The following DPP6 variants were observed in gnomAD, a reference collection of about 807,000 sequenced individuals.
DPP6 encodes the protein dipeptidyl peptidase like 6.
Under a neutral mutation model 122.6 loss-of-function variants are expected in DPP6, and 69 were observed. The ratio of observed to expected loss-of-function variants is 0.56; its 90% CI spans 0.46 to 0.69. DPP6 has a LOEUF of 0.69. Ranked by LOEUF, DPP6 falls within the 30% of genes least tolerant of loss-of-function variation. The pLI is 0.00. For missense variants in DPP6, 928 were observed against 1,116.9 expected, an observed-to-expected ratio of 0.83 and a Z score of 2.41; for synonymous variants, 418 against 433.1, an observed-to-expected ratio of 0.97 and a Z score of 0.43.
intron 1 of DPP6, among the ~76,000 whole-genome samples, chr7:154,125,105 A>G (rs1563222829): frequency 6.6e-6 from 1 of 152,210 alleles, no homozygotes; most frequent in Non-Finnish European, 1.5e-5. Context: ...CTTTGGAGAC[A>G]TCACTAGGAA....
intron 1 of DPP6, among the ~76,000 whole-genome samples, chr7:154,011,819 G>A (rs994696167): frequency 1.3e-4 from 20 of 152,112 alleles, no homozygotes; most frequent in African/African-American, 4.6e-4. Flanking sequence ...AGTGATTATC[G>A]AATCCATTCT....
the DPP6 span, among the ~76,000 whole-genome samples, chr7:153,815,118 G>T: frequency 6.6e-6 from 1 of 152,130 alleles, no homozygotes; most frequent in Non-Finnish European, 1.5e-5. Flanking sequence ...GGGCAATTAG[G>T]CAGGAGAAGG....
intron 1 of DPP6, among the ~76,000 whole-genome samples, chr7:153,945,314 A>G (rs1220399021): frequency 6.6e-6 from 1 of 152,176 alleles, no homozygotes; most frequent in Non-Finnish European, 1.5e-5. Flanking sequence ...GTTCCCAGCC[A>G]TGCCTGGTAC....
chr7:154,044,876 T>A (rs1799944590), intron 1 of DPP6, among the ~76,000 whole-genome samples: 3 of 151,232 alleles, frequency 2.0e-5, no homozygotes, highest in South Asian at 2.1e-4. Context: ...AGATTTTTTT[T>A]ATGAAATCAG....
At chr7:154,845,918 G>A (rs188025456) in intron 16 of DPP6, among the ~76,000 whole-genome samples, 2 of 152,214 alleles carry the variant, frequency 1.3e-5, no homozygotes, top group Admixed American at 6.5e-5. Flanking sequence ...TGGCCTGCAG[G>A]GCCTCTGTGG....
intron 7 of DPP6, among the ~76,000 whole-genome samples, chr7:154,685,454 C>T (rs1459859643): frequency 6.6e-6 from 1 of 152,196 alleles, no homozygotes; most frequent in Non-Finnish European, 1.5e-5. Flanking sequence ...GCCTGGGCGT[C>T]AGGGTATTTG....
At chr7:153,838,428 T>A in the DPP6 span, among the ~76,000 whole-genome samples, 4 of 152,180 alleles carry the variant, frequency 2.6e-5, no homozygotes, top group African/African-American at 9.6e-5. Flanking sequence ...TAGCAGGAAG[T>A]TACCCCTGGA....
intron 1 of DPP6, among the ~76,000 whole-genome samples, chr7:154,296,403 T>G (rs1201778618): frequency 6.6e-6 from 1 of 152,160 alleles, no homozygotes; most frequent in Non-Finnish European, 1.5e-5. Flanking sequence ...CCCTCTTCTA[T>G]TAGACGGTGA....
intron 16 of DPP6, among the ~76,000 whole-genome samples, chr7:154,826,952 A>G (rs905576427): frequency 2.0e-5 from 3 of 152,116 alleles, no homozygotes; most frequent in Admixed American, 2.0e-4. Context: ...CCACTATTTC[A>G]TAGTTTGTAG....
chr7:154,748,744 C>G (rs1001676675), intron 8 of DPP6, among the ~76,000 whole-genome samples: 2 of 152,160 alleles, frequency 1.3e-5, no homozygotes, highest in Non-Finnish European at 2.9e-5. Context: ...CTTTTGCTCA[C>G]GGTGTCCAGC....
intron 16 of DPP6, among the ~76,000 whole-genome samples, chr7:154,843,603 G>C (rs1801726088): frequency 6.6e-6 from 1 of 152,198 alleles, no homozygotes; most frequent in Admixed American, 6.5e-5. Context: ...GTTGTGACGA[G>C]GTTGAGAGAA....
At chr7:154,861,710 C>G (rs1054552380) in intron 17 of DPP6, among the ~76,000 whole-genome samples, 1 of 152,186 alleles carries the variant, frequency 6.6e-6, no homozygotes, top group Non-Finnish European at 1.5e-5. Flanking sequence ...TATGATTGCT[C>G]TGAGATGCAT....
At chr7:153,784,680 G>T in the DPP6 span, among the ~76,000 whole-genome samples, 1 of 152,116 alleles carries the variant, frequency 6.6e-6, no homozygotes, top group African/African-American at 2.4e-5. Flanking sequence ...GATTTTTAAT[G>T]ATATGCTGTA....
At chr7:154,343,443 A>C (rs1365450158) in intron 1 of DPP6, among the ~76,000 whole-genome samples, 1 of 152,266 alleles carries the variant, frequency 6.6e-6, no homozygotes, top group Non-Finnish European at 1.5e-5. Context: ...TTTGGGTCTC[A>C]GCCAGTGCTA....
chr7:154,082,848 T>TTC (rs747400385), intron 1 of DPP6, among the ~76,000 whole-genome samples: 5,493 of 110,954 alleles, frequency 0.05, 311 homozygotes, highest in African/African-American at 0.11. Context: ...TTCTTTTTCT[T>TTC]TTTTTTTTTT....
At chr7:154,136,861 A>C (rs1280439782) in intron 1 of DPP6, among the ~76,000 whole-genome samples, 1 of 152,274 alleles carries the variant, frequency 6.6e-6, no homozygotes, top group East Asian at 1.9e-4. Flanking sequence ...CTGCAAGTGC[A>C]ATATTGTTCC....
intron 8 of DPP6, among the ~76,000 whole-genome samples, chr7:154,769,048 CA>C (rs1480287455): frequency 1.3e-5 from 2 of 152,082 alleles, no homozygotes; most frequent in African/African-American, 4.8e-5. Flanking sequence ...TGCTGTTTTT[CA>C]AATCATATTA....
At chr7:154,867,839 T>A (rs533302695) in intron 17 of DPP6, among the ~76,000 whole-genome samples, 156 bp from the exon 18 acceptor site, 1 of 152,290 alleles carries the variant, frequency 6.6e-6, no homozygotes, top group South Asian at 2.1e-4. Flanking sequence ...AGCGTGTTTT[T>A]TAATGCCCAG....
chr7:154,167,251 G>A (rs1384692097), intron 1 of DPP6, among the ~76,000 whole-genome samples: 4 of 152,276 alleles, frequency 2.6e-5, no homozygotes, highest in Admixed American at 6.5e-5. Context: ...TTGAGGAGAG[G>A]GTGGGTAGGC....
Sources: gnomAD v4.1 joint callset for allele counts (sites outside exome capture counted in the v4.1 genomes callset) on GRCh38, gnomAD v4.1.1 for gene constraint, MANE v1.5 for transcripts, NCBI Gene and HGNC (gene_info 2026-07-23, HGNC 2026-07-21) for gene names.